The following SYT1 variants were observed in gnomAD, a reference collection of about 807,000 sequenced individuals.
SYT1 encodes the protein synaptotagmin-1.
SYT1 carries 8 observed loss-of-function variants against 44.8 expected under a neutral mutation model. The observed-to-expected ratio is 0.18, with a 90% confidence interval of 0.10 to 0.32. SYT1 has a LOEUF of 0.32. Ranked by LOEUF, SYT1 falls within the 10% of genes least tolerant of loss-of-function variation. The probability of loss-of-function intolerance (pLI) is 1.00; values close to 1 mark genes in which losing one functional copy is unlikely to be tolerated. For missense variants in SYT1, 286 were observed against 509.3 expected, an observed-to-expected ratio of 0.56 and a Z score of 4.22; for synonymous variants, 154 against 188.8, an observed-to-expected ratio of 0.82 and a Z score of 1.51.
intron 4 of SYT1, among the ~76,000 whole-genome samples, chr12:79,242,054 A>G (rs1204368777): frequency 6.6e-6 from 1 of 152,240 alleles, no homozygotes; most frequent in African/African-American, 2.4e-5. Context: ...ATTCAGAAAC[A>G]GTATGGCCTT....
chr12:78,940,871 G>A (rs899394277), intron 1 of SYT1, among the ~76,000 whole-genome samples: 1 of 152,100 alleles, frequency 6.6e-6, no homozygotes, highest in South Asian at 2.1e-4. Flanking sequence ...TAGATTAGTG[G>A]ACTAGTACAA....
At chr12:78,973,923 AAAAAAAAAAAAAAAAATATATATAT>A (rs1355935244) in intron 1 of SYT1, among the ~76,000 whole-genome samples, 10 of 24,016 alleles carry the variant, frequency 4.2e-4, no homozygotes, top group African/African-American at 1.9e-3. Flanking sequence ...CACCAAAAAA[AAAAAAAAAAAAAAAAATATATATAT>A]ATATATATAT....
chr12:78,882,784 G>T (rs1874526664), intron 1 of SYT1, among the ~76,000 whole-genome samples: 1 of 151,688 alleles, frequency 6.6e-6, no homozygotes, highest in Non-Finnish European at 1.5e-5. Flanking sequence ...GTAGAGAAGT[G>T]CTTTAAATAT....
chr12:79,292,836 G>A (rs1592936880), intron 6 of SYT1, among the ~76,000 whole-genome samples: 1 of 152,164 alleles, frequency 6.6e-6, no homozygotes, highest in Admixed American at 6.5e-5. Context: ...ACCTTTTATT[G>A]ACTGCCTGTC....
intron 3 of SYT1, among the ~76,000 whole-genome samples, chr12:79,158,173 A>G (rs1008475480): frequency 2.0e-5 from 3 of 152,152 alleles, no homozygotes; most frequent in African/African-American, 7.2e-5. Context: ...AAGTAACTAC[A>G]TAACTCACTA....
Position 78,889,081 on chromosome 12 carries a change from A to G in SYT1, c.-217+23972A>G, listed in dbSNP as rs949932230. 2.6e-5 allele frequency among the ~76,000 whole-genome samples: 4 copies of G among 151,898 alleles called. No individual in the cohort carries two copies. The East Asian group carries it at 7.8e-4, about 30-fold the overall frequency. Reference sequence around the variant, plus strand: ...GCTCCTGGTTAATTTTTTTTTTAAGAAAAAATCAAGACTTATTTGAGAACC... The same window carrying G: ...GCTCCTGGTTAATTTTTTTTTTAAGGAAAAATCAAGACTTATTTGAGAACC... On this transcript the variant is annotated intron_variant, in intron 1 of 10. Transcript: ENST00000261205.
chr12:79,355,294 G>A (rs1484287724), intron 9 of SYT1, among the ~76,000 whole-genome samples: 2 of 152,058 alleles, frequency 1.3e-5, no homozygotes, highest in Non-Finnish European at 2.9e-5. Context: ...AAGAAGGAAG[G>A]GTACCTGCAA....
rs201612555 is a variant in SYT1 at position 79,426,081 on chromosome 12, T to TAA, written c.929-17979_929-17978dup. Among the ~76,000 whole-genome samples, 7 of 142,722 alleles carry TAA rather than the reference T, an allele frequency of 4.9e-5. No individual in the cohort carries two copies. In the East Asian group the frequency reaches 1.0e-3, roughly 21 times the overall value. 93.6% of individuals were successfully genotyped at this position (142,722 alleles called of 152,430 possible). Reference sequence around the variant, plus strand: ...ATATTCACATCCAGCACTGTTTGATTAAAAAAAAAAAAAATAGCCTTTCTG... The same window carrying TAA: ...ATATTCACATCCAGCACTGTTTGATTAAAAAAAAAAAAAAAATAGCCTTTCTG... On this transcript the variant is annotated intron_variant, in intron 9 of 10. Coordinates refer to ENST00000261205, the MANE Select transcript of SYT1 (RefSeq NM_005639.3).
intron 3 of SYT1, among the ~76,000 whole-genome samples, chr12:79,091,494 C>A (rs1274349872): frequency 2.0e-5 from 3 of 151,954 alleles, no homozygotes; most frequent in African/African-American, 4.8e-5. Context: ...AAAACATCTT[C>A]AGTTGAAGTG....
chr12:79,067,935 T>C (rs925319578), intron 3 of SYT1, among the ~76,000 whole-genome samples: 2 of 152,212 alleles, frequency 1.3e-5, no homozygotes, highest in African/African-American at 4.8e-5. Flanking sequence ...CAGGGTTGAA[T>C]ATAATCATTT....
At chr12:79,247,019 G>A (rs1255512825) in intron 4 of SYT1, among the ~76,000 whole-genome samples, 1 of 152,152 alleles carries the variant, frequency 6.6e-6, no homozygotes, top group Non-Finnish European at 1.5e-5. Flanking sequence ...TTGCTGAGAA[G>A]TCAAAGAATA....
intron 9 of SYT1, among the ~76,000 whole-genome samples, chr12:79,429,086 C>A (rs948909137): frequency 6.6e-6 from 1 of 152,224 alleles, no homozygotes; most frequent in Admixed American, 6.5e-5. Flanking sequence ...GATCCACCCC[C>A]ATGACCCCAT....
At chr12:78,884,868 G>A (rs989589388) in intron 1 of SYT1, among the ~76,000 whole-genome samples, 26 of 151,812 alleles carry the variant, frequency 1.7e-4, no homozygotes, top group African/African-American at 4.8e-4. Context: ...ATAAAATTTG[G>A]CAAATTTAAT....
At chr12:79,293,111 G>A (rs1447815146) in intron 6 of SYT1, among the ~76,000 whole-genome samples, 2 of 146,426 alleles carry the variant, frequency 1.4e-5, no homozygotes, top group East Asian at 4.0e-4. Flanking sequence ...AGGAGATCAA[G>A]ACCATCCTGG....
intron 7 of SYT1, among the ~76,000 whole-genome samples, chr12:79,296,542 A>G (rs1307917764): frequency 6.6e-6 from 1 of 152,108 alleles, no homozygotes; most frequent in Non-Finnish European, 1.5e-5. Flanking sequence ...TGAAATCATT[A>G]TTTTTCTGAA....
intron 4 of SYT1, among the ~76,000 whole-genome samples, chr12:79,236,323 T>G (rs906626577): frequency 6.6e-6 from 1 of 152,186 alleles, no homozygotes; most frequent in African/African-American, 2.4e-5. Context: ...AACCTACCTT[T>G]CCAGCCTCTT....
intron 4 of SYT1, among the ~76,000 whole-genome samples, chr12:79,285,377 T>C (rs554154196): frequency 2.1e-4 from 32 of 152,300 alleles, no homozygotes; most frequent in African/African-American, 7.5e-4. Context: ...CCAATTTATT[T>C]CCACTTTAGA....
At chr12:79,314,306 C>T (rs967481058) in intron 8 of SYT1, among the ~76,000 whole-genome samples, 3 of 151,774 alleles carry the variant, frequency 2.0e-5, no homozygotes, top group African/African-American at 7.3e-5. Context: ...GACAGTGGGA[C>T]AGCCTAAGTG....
intron 2 of SYT1, among the ~76,000 whole-genome samples, chr12:78,979,213 A>G (rs115372420): frequency 1.7e-3 from 252 of 152,328 alleles, no homozygotes; most frequent in African/African-American, 5.9e-3. Flanking sequence ...TAATCATTTT[A>G]CAATGAAGGG....
Sources: gnomAD v4.1 joint callset for allele counts (sites outside exome capture counted in the v4.1 genomes callset) on GRCh38, gnomAD v4.1.1 for gene constraint, MANE v1.5 for transcripts, NCBI Gene and HGNC (gene_info 2026-07-23, HGNC 2026-07-21) for gene names.